ZBTB7A: variants seen among roughly 807,000 people sequenced by gnomAD.
The protein encoded by ZBTB7A is zinc finger and BTB domain containing 7A.
Under a neutral mutation model 26.7 loss-of-function variants are expected in ZBTB7A, and 7 were observed. The ratio of observed to expected loss-of-function variants is 0.26; its 90% CI spans 0.15 to 0.49. The LOEUF (loss-of-function observed/expected upper bound fraction) is 0.49, where lower values mean the gene tolerates loss of function less well. Ranked by LOEUF, ZBTB7A falls within the 20% of genes least tolerant of loss-of-function variation. The pLI, the probability that ZBTB7A is intolerant of heterozygous loss-of-function variation, is 0.98. For missense variants in ZBTB7A, 617 were observed against 919.5 expected (o/e 0.67, Z 4.25); for synonymous variants, 452 against 441.0 (o/e 1.02, Z -0.31).
At chr19:4,053,852 T>G in intron 2 of ZBTB7A, 119 bp downstream of exon 2, 2 of 1,180,032 alleles carry the variant, frequency 1.7e-6, no homozygotes, top group Non-Finnish European at 2.4e-6. Context: ...CACGTGCGTG[T>G]ATGTGTGCGT....
chr19:4,054,087 C>T lies in ZBTB7A; in HGVS notation c.1146G>A (p.Gln382=), dbSNP rs763416348. ...TGACCTTCTCGCAGATGGGGCACTT[C>T]TGGAAGGCCTTGGCTCGGATCTTCT... ...VEKKIRAKAF[Q]KCPICEKVIQ... Residue 382 remains glutamine (Q), a synonymous_variant, in exon 2 of 3, where the codon CAG becomes CAA. Coordinates refer to ENST00000322357, the MANE Select transcript of ZBTB7A (RefSeq NM_015898.4). 1.1e-5 allele frequency: 18 copies of T among 1,611,462 alleles called. No individual in the cohort carries two copies. The highest frequency in any genetic ancestry group is 2.7e-5 in the African/African-American group (2 of 74,922).
chr19:4,060,887 C>T (rs1184028760), intron 1 of ZBTB7A, among the ~76,000 whole-genome samples: 6 of 152,204 alleles, frequency 3.9e-5, no homozygotes, highest in Non-Finnish European at 7.4e-5. Flanking sequence ...ACCCTCTGCC[C>T]AGGGAGAGCA....
Position 4,043,980 on chromosome 19 carries a change from TTC to T in ZBTB7A, c.*3770_*3771del, listed in dbSNP as rs2040380685. Among the ~76,000 whole-genome samples, 1 of 152,034 alleles carries T rather than the reference TTC, an allele frequency of 6.6e-6. No homozygotes were observed. The highest frequency in any genetic ancestry group is 1.9e-4 in the East Asian group (1 of 5,196). On this transcript the variant is annotated 3_prime_UTR_variant, in exon 3 of 3. Coordinates refer to ENST00000322357, the MANE Select transcript of ZBTB7A (RefSeq NM_015898.4). ...TGTTGGTTTTTAATATTTTTTTTTC[TTC>T]TGTTTTTCCTTTCATTCTCTCTGTC...
chr19:4,054,938 C>T lies in ZBTB7A; in HGVS notation c.295G>A (p.Val99Ile), dbSNP rs138379630. 5.0e-6 allele frequency: 8 copies of T among 1,611,582 alleles called. No individual in the cohort carries two copies. In the African/African-American group the frequency reaches 8.0e-5, roughly 16 times the overall value. The change falls in exon 2 of 3, where the codon GTC becomes ATC. Residue 99 changes from valine (V) to isoleucine (I), a missense_variant. Physicochemically the swap from Val to Ile is conservative, Grantham distance 29. Around this residue, in one of 5 missense-constraint regions of ZBTB7A, gnomAD observed 82 missense variants for 195.2 expected, o/e 0.42. Coordinates refer to ENST00000322357, the MANE Select transcript of ZBTB7A (RefSeq NM_015898.4). ...ATGTCACCCACGTTGGCTGTGCTGACGGTGAGCGTGGCCGTGTAGGCGAAG... is the reference window on the plus strand; with the variant it reads ...ATGTCACCCACGTTGGCTGTGCTGATGGTGAGCGTGGCCGTGTAGGCGAAG... ...MDFAYTATLT[V>I]STANVGDILS...
At position 4,047,730 on chromosome 19, in the gene ZBTB7A, T is replaced by G; in HGVS notation, c.*22A>C. Reference sequence around the variant, plus strand: ...CTCTCTGTCTCTCTCTTTCTCGGGTTTCTGTTTTCTCTTTTTGGTTTTTAG... The same window carrying G: ...CTCTCTGTCTCTCTCTTTCTCGGGTGTCTGTTTTCTCTTTTTGGTTTTTAG... On this transcript the variant is annotated 3_prime_UTR_variant, in exon 3 of 3. Coordinates refer to ENST00000322357, the MANE Select transcript of ZBTB7A (RefSeq NM_015898.4). 1 of 1,580,942 alleles carries G rather than the reference T, an allele frequency of 6.3e-7. No homozygotes were observed. The highest frequency in any genetic ancestry group is 8.6e-7 in the Non-Finnish European group (1 of 1,165,562).
At position 4,044,301 on chromosome 19, in the gene ZBTB7A, C is replaced by A. The variant is rs2040385020; in HGVS notation, c.*3451G>T. On this transcript the variant is annotated 3_prime_UTR_variant, in exon 3 of 3. Coordinates refer to ENST00000322357, the MANE Select transcript of ZBTB7A (RefSeq NM_015898.4). Reference sequence around the variant, plus strand: ...GAGCCTGCCTGGCTGCAGGTCCACACCCATGCCAGGCCGGGCCTGCTCCGG... The same window carrying A: ...GAGCCTGCCTGGCTGCAGGTCCACAACCATGCCAGGCCGGGCCTGCTCCGG... 6.6e-6 allele frequency: 1 copy of A among 152,166 alleles called. No homozygotes were observed. The highest frequency in any genetic ancestry group is 1.5e-5 in the Non-Finnish European group (1 of 68,016). 9.4% of individuals were successfully genotyped at this position (152,166 alleles called of 1,614,324 possible). A position where few individuals can be genotyped will look rare whatever the true frequency, so the allele number is the denominator to read the frequency against.
chr19:4,046,432 C>CTTTTTTTTTT lies in ZBTB7A; in HGVS notation c.*1310_*1319dup, dbSNP rs10535792. 1.7e-5 allele frequency: 2 copies of CTTTTTTTTTT among 118,108 alleles called. No homozygotes were observed. The highest frequency in any genetic ancestry group is 1.7e-5 in the Non-Finnish European group (1 of 57,512). 7.3% of individuals were successfully genotyped at this position (118,108 alleles called of 1,614,324 possible). The stretch of plus-strand genomic sequence containing the variant: ...TCTCTCTCGCTCTCTCTCTCGCTCG[C>CTTTTTTTTTT]TTTTTTTTTTTTTTTTTGTCTTTTC... On this transcript the variant is annotated 3_prime_UTR_variant, in exon 3 of 3. Transcript: ENST00000322357.
At chr19:4,057,457 G>A (rs373326782) in intron 1 of ZBTB7A, among the ~76,000 whole-genome samples, 4 of 152,120 alleles carry the variant, frequency 2.6e-5, no homozygotes, top group Non-Finnish European at 4.4e-5. Flanking sequence ...CACGGGCTTC[G>A]GCCGATACAG....
In ZBTB7A at chr19:4,043,565, AC is replaced by A. The variant is rs1306982781; in HGVS notation, c.*4186del. Among the ~76,000 whole-genome samples, 1 of 146,530 alleles carries A rather than the reference AC, an allele frequency of 6.8e-6. No individual in the cohort carries two copies. The highest frequency in any genetic ancestry group is 1.5e-5 in the Non-Finnish European group (1 of 66,524). On this transcript the variant is annotated 3_prime_UTR_variant, in exon 3 of 3. Coordinates refer to ENST00000322357, the MANE Select transcript of ZBTB7A (RefSeq NM_015898.4). The stretch of plus-strand genomic sequence containing the variant: ...GAGGGCGCCGCCCCGCCCCCCATTC[AC>A]CAGGCCTGGCCCCTCCAAAGTCCAA...
intron 1 of ZBTB7A, among the ~76,000 whole-genome samples, chr19:4,058,835 G>A (rs1302476739): frequency 6.6e-6 from 1 of 152,194 alleles, no homozygotes; most frequent in Non-Finnish European, 1.5e-5. Context: ...AGGCCTTTGT[G>A]AGCTTGCTCA....
chr19:4,053,806 G>A (rs1181111054), intron 2 of ZBTB7A, among the ~76,000 whole-genome samples, 165 bp downstream of exon 2: 1 of 149,742 alleles, frequency 6.7e-6, no homozygotes, highest in Non-Finnish European at 1.5e-5. Context: ...ATGTGTAGGT[G>A]ACGTGCATGT....
In ZBTB7A at chr19:4,046,080, C is replaced by T. The variant is rs1012765818; in HGVS notation, c.*1672G>A. The stretch of plus-strand genomic sequence containing the variant: ...GGGTGCTCCGGCTGGAAGGCCCATC[C>T]CTGAGCTAGGGAGGAGGAAGGAGAG... On this transcript the variant is annotated 3_prime_UTR_variant, in exon 3 of 3. Coordinates refer to ENST00000322357, the MANE Select transcript of ZBTB7A (RefSeq NM_015898.4). The T allele has an allele frequency of 1.3e-5, 5 of 398,898 alleles. No individual in the cohort carries two copies. In the Admixed American group the frequency reaches 1.3e-4, roughly 11 times the overall value. The allele number at this position is 398,898 out of a possible 1,614,324, so 24.7% of individuals were successfully genotyped here.
At chr19:4,049,603 G>A (rs934768966) in intron 2 of ZBTB7A, among the ~76,000 whole-genome samples, 1 of 152,078 alleles carries the variant, frequency 6.6e-6, no homozygotes, top group Non-Finnish European at 1.5e-5. Context: ...TCTGGTTTTA[G>A]CACTGAAAGT....
In ZBTB7A at chr19:4,054,542, T is replaced by A. The variant is rs773326936; in HGVS notation, c.691A>T (p.Thr231Ser). 3.6e-5 allele frequency: 53 copies of A among 1,456,696 alleles called. 1 individual carries two copies. The South Asian group carries it at 7.0e-4, about 19-fold the overall frequency. The allele number at this position is 1,456,696 out of a possible 1,614,324, so 90.2% of individuals were successfully genotyped here. ...CTGTCGCCCTCGTCCCCGTCCCCCG[T>A]CGGGGGCCGCTCGGCCGGGGGGCCC... ...GPGPPAERPP[T>S]GDGDEGDSNP... Residue 231 changes from threonine to serine, a missense_variant, in exon 2 of 3, where the codon ACG becomes TCG. Transcript: ENST00000322357.
intron 2 of ZBTB7A, among the ~76,000 whole-genome samples, chr19:4,051,462 C>T (rs1394348646): frequency 6.6e-6 from 1 of 152,214 alleles, no homozygotes; most frequent in Non-Finnish European, 1.5e-5. Context: ...CCTCTGGCAC[C>T]AGCTACAGAG....
In ZBTB7A at chr19:4,047,673, T is replaced by G; in HGVS notation, c.*79A>C. 3 of 1,497,938 alleles carry G rather than the reference T, an allele frequency of 2.0e-6. No individual in the cohort carries two copies. Among genetic ancestry groups the G allele is most frequent in the Non-Finnish European group, 1.8e-6 (2 of 1,119,060 alleles). 92.8% of individuals were successfully genotyped at this position (1,497,938 alleles called of 1,614,324 possible). A position where few individuals can be genotyped will look rare whatever the true frequency, so the allele number is the denominator to read the frequency against. On this transcript the variant is annotated 3_prime_UTR_variant, in exon 3 of 3. Transcript: ENST00000322357. Reference sequence around the variant, plus strand: ...TAGATAGATTTTCTTTTTTTGTGTTTTTGGGGGGGTGGTGGGTGATTTTTT... The same window carrying G: ...TAGATAGATTTTCTTTTTTTGTGTTGTTGGGGGGGTGGTGGGTGATTTTTT...
intron 1 of ZBTB7A, among the ~76,000 whole-genome samples, chr19:4,059,902 T>C (rs571304002): frequency 3.0e-4 from 46 of 152,166 alleles, no homozygotes; most frequent in Non-Finnish European, 4.7e-4. Flanking sequence ...AGTCCCCGAG[T>C]GCTGAAGCCC....
chr19:4,065,267 G>A (rs1430539117), intron 1 of ZBTB7A, among the ~76,000 whole-genome samples: 2 of 150,040 alleles, frequency 1.3e-5, no homozygotes, highest in African/African-American at 4.9e-5. Context: ...GGAGCCGGAC[G>A]GCCGTCCGGG....
At chr19:4,051,510 G>C (rs867989409) in intron 2 of ZBTB7A, among the ~76,000 whole-genome samples, 20 of 152,164 alleles carry the variant, frequency 1.3e-4, no homozygotes, top group South Asian at 2.1e-4. Flanking sequence ...TGGCTCTGTT[G>C]CCCTGAGGGT....
Sources: allele counts gnomAD v4.1 joint callset (sites outside exome capture counted in the v4.1 genomes callset), GRCh38; gene constraint gnomAD v4.1.1; regional missense constraint gnomAD v4.1.1; transcripts MANE v1.5; gene names NCBI Gene and HGNC (gene_info 2026-07-23, HGNC 2026-07-21).